The following ARHGAP8 variants were observed in gnomAD, a reference collection of about 807,000 sequenced individuals.
ARHGAP8 encodes the protein Rho GTPase activating protein 8.
A neutral mutation model predicts 46.1 loss-of-function variants in ARHGAP8; 62 were observed. The ratio of observed to expected loss-of-function variants is 1.34; its 90% CI spans 1.10 to 1.66. The LOEUF (loss-of-function observed/expected upper bound fraction) is 1.66. Ranked by LOEUF, ARHGAP8 falls within the 40% of genes most tolerant of loss-of-function variation. The pLI, the probability that ARHGAP8 is intolerant of heterozygous loss-of-function variation, is 0.00. For synonymous variants in ARHGAP8, 375 were observed against 243.1 expected (o/e 1.54, Z -5.05); for missense variants, 923 against 568.4 (o/e 1.62, Z -6.34).
chr22:44,791,243 C>T (rs918706409), intron 2 of ARHGAP8, among the ~76,000 whole-genome samples: 19 of 152,126 alleles, frequency 1.2e-4, no homozygotes, highest in African/African-American at 4.6e-4. Flanking sequence ...GGGGGCTGTG[C>T]GCTGTGCTGG....
At chr22:44,861,780 C>G (rs895222248) in intron 11 of ARHGAP8, among the ~76,000 whole-genome samples, 1 of 152,158 alleles carries the variant, frequency 6.6e-6, no homozygotes, top group Admixed American at 6.5e-5. Context: ...AATGACTCCC[C>G]CGTGCTGGGG....
intron 10 of ARHGAP8, among the ~76,000 whole-genome samples, chr22:44,858,185 T>G (rs142701552): frequency 2.4e-4 from 37 of 152,298 alleles, no homozygotes; most frequent in Non-Finnish European, 2.9e-4. Context: ...GCAGTGGGTG[T>G]TTGTAGAGCA....
chr22:44,854,553 C>G (rs777518812), intron 10 of ARHGAP8, among the ~76,000 whole-genome samples: 1 of 151,872 alleles, frequency 6.6e-6, no homozygotes, highest in Non-Finnish European at 1.5e-5. Context: ...ATTTTTAACC[C>G]TACTTCACTA....
At chr22:44,830,319 C>T (rs1050904858) in intron 7 of ARHGAP8, among the ~76,000 whole-genome samples, 8 of 150,944 alleles carry the variant, frequency 5.3e-5, no homozygotes, top group South Asian at 2.1e-4. Flanking sequence ...CCACTGCACC[C>T]GGCTGTTACT....
chr22:44,848,177 G>GT, intron 9 of ARHGAP8, 127 bp downstream of exon 9: 1 of 1,354,702 alleles, frequency 7.4e-7, no homozygotes, highest in Non-Finnish European at 1.0e-6. Context: ...AACACTCAGG[G>GT]TGGGGGCAGC....
chr22:44,850,224 G>GGC (rs2070059996), intron 10 of ARHGAP8: 1 of 152,212 alleles, frequency 6.6e-6, no homozygotes, highest in Non-Finnish European at 1.5e-5. Flanking sequence ...CGCCCTTTCT[G>GGC]AGATGGGGAA....
intron 7 of ARHGAP8, among the ~76,000 whole-genome samples, chr22:44,830,404 T>C (rs1376059155): frequency 6.6e-6 from 1 of 152,102 alleles, no homozygotes; most frequent in Non-Finnish European, 1.5e-5. Context: ...CAATCTTGGC[T>C]CACTGCAACC....
chr22:44,860,219 G>T (rs2070404022), intron 11 of ARHGAP8, among the ~76,000 whole-genome samples: 1 of 151,402 alleles, frequency 6.6e-6, no homozygotes, highest in Admixed American at 6.6e-5. Flanking sequence ...CCTGGGGAAG[G>T]GATACACCCA....
chr22:44,821,309 A>G (rs766787903), intron 5 of ARHGAP8, among the ~76,000 whole-genome samples: 4 of 152,020 alleles, frequency 2.6e-5, no homozygotes, highest in Non-Finnish European at 4.4e-5. Context: ...GTGCACCTTA[A>G]TCCCAGCTAC....
intron 2 of ARHGAP8, among the ~76,000 whole-genome samples, chr22:44,795,140 C>T (rs1166320877): frequency 6.6e-6 from 1 of 151,864 alleles, no homozygotes; most frequent in Non-Finnish European, 1.5e-5. Context: ...CCTTCAACAA[C>T]AGCTCACTCT....
chr22:44,834,371 A>AT (rs922337845), intron 7 of ARHGAP8, among the ~76,000 whole-genome samples: 2 of 151,552 alleles, frequency 1.3e-5, no homozygotes, highest in Non-Finnish European at 3.0e-5. Flanking sequence ...TTATCTTGTA[A>AT]TTTTTTTCTT....
intron 10 of ARHGAP8, among the ~76,000 whole-genome samples, chr22:44,858,533 C>CTTTTTTTTTT (rs10700242): frequency 0.14 from 12,677 of 89,022 alleles, 1,696 homozygotes; most frequent in Non-Finnish European, 0.19. Flanking sequence ...CCATACCCGG[C>CTTTTTTTTTT]TTTTTTTTTT....
intron 10 of ARHGAP8, chr22:44,849,388 C>T (rs563174093): frequency 3.9e-5 from 13 of 330,794 alleles, no homozygotes; most frequent in East Asian, 1.4e-4. Context: ...TGCCTGTAAC[C>T]GCTCCCAGGC....
chr22:44,763,599 A>G (rs1925315019), intron 1 of ARHGAP8, among the ~76,000 whole-genome samples: 1 of 152,012 alleles, frequency 6.6e-6, no homozygotes, highest in Non-Finnish European at 1.5e-5. Context: ...TCATGAGAGA[A>G]TCAGGCAGAT....
At chr22:44,804,711 C>T (rs771986415) in intron 3 of ARHGAP8, among the ~76,000 whole-genome samples, 1 of 152,022 alleles carries the variant, frequency 6.6e-6, no homozygotes, top group Non-Finnish European at 1.5e-5. Flanking sequence ...GACCTGGAAC[C>T]CCCAACTCAA....
At chr22:44,824,202 A>C (rs1328500384) in intron 6 of ARHGAP8, among the ~76,000 whole-genome samples, 1 of 152,102 alleles carries the variant, frequency 6.6e-6, no homozygotes, top group African/African-American at 2.4e-5. Context: ...ATGTCACCAG[A>C]CCTTGACAAG....
intron 10 of ARHGAP8, among the ~76,000 whole-genome samples, chr22:44,857,574 TGGGAAGTGCGACGGACA>T (rs2070264633): frequency 6.6e-6 from 1 of 152,110 alleles, no homozygotes; most frequent in East Asian, 1.9e-4. Flanking sequence ...TGGAGAGGCG[TGGGAAGTGCGACGGACA>T]GGGGAGTGAG....
intron 1 of ARHGAP8, among the ~76,000 whole-genome samples, chr22:44,754,346 G>GTGTGTGTGTGTA (rs1303261187): frequency 7.6e-5 from 10 of 131,938 alleles, no homozygotes; most frequent in African/African-American, 3.0e-4. Context: ...CTTTGTGTGT[G>GTGTGTGTGTGTA]TGTGTGTGTG....
At chr22:44,796,157 C>G (rs762088153) in intron 2 of ARHGAP8, among the ~76,000 whole-genome samples, 1 of 152,228 alleles carries the variant, frequency 6.6e-6, no homozygotes, top group Non-Finnish European at 1.5e-5. Context: ...CCTGAGGTTC[C>G]TCAGTGACCA....
Sources: allele counts gnomAD v4.1 joint callset (sites outside exome capture counted in the v4.1 genomes callset), GRCh38; gene constraint gnomAD v4.1.1; transcripts MANE v1.5; gene names NCBI Gene and HGNC (gene_info 2026-07-23, HGNC 2026-07-21).